WDR6: variants seen among roughly 807,000 people sequenced by gnomAD.
WDR6 encodes the protein WD repeat domain 6.
A neutral mutation model predicts 85.6 loss-of-function variants in WDR6; 58 were observed. The ratio of observed to expected loss-of-function variants is 0.68; its 90% CI spans 0.55 to 0.84. The LOEUF (loss-of-function observed/expected upper bound fraction) is 0.84. Ranked by LOEUF, WDR6 falls within the 40% of genes least tolerant of loss-of-function variation. WDR6 has a pLI of 0.00. For synonymous variants in WDR6, 569 were observed against 582.2 expected (o/e 0.98, Z 0.33); for missense variants, 1,310 against 1,476.4 (o/e 0.89, Z 1.85).
chr3:49,011,833 G>A lies in WDR6; in HGVS notation c.299G>A (p.Gly100Glu). 1.2e-6 allele frequency: 2 copies of A among 1,614,250 alleles called. No individual in the cohort carries two copies. The highest frequency in any genetic ancestry group is 1.7e-6 in the Non-Finnish European group (2 of 1,180,054). ...CTCCGAGTTGTGAAAATTAGCTGGG[G>A]ACAGGGCCACTTCTGGGAGCTTTGG... ...KGLRVVKISW[G>E]QGHFWELWRS... is the part of the protein sequence containing the mutation. Residue 100 changes from glycine (G) to glutamate (E), a missense_variant, in exon 2 of 6, where the codon GGA becomes GAA. By Grantham distance (98) the Gly-to-Glu change is moderately conservative. Transcript: ENST00000608424.
At position 49,014,809 on chromosome 3, in the gene WDR6, C is replaced by G. The variant is rs1324163014; in HGVS notation, c.2903-16C>G. ...CAGGCGGGGCCCTGACAACTACCCT[C>G]TTCCTCTTCCTTCAGGGCTTGGCAC... On this transcript the variant is annotated splice_polypyrimidine_tract_variant and intron_variant, in intron 5 of 5. Transcript: ENST00000608424. This position sits in a 1 kb window ranked among gnomAD's most constrained non-coding sequence, Gnocchi z 4.9. The G allele has an allele frequency of 2.5e-6, 4 of 1,601,022 alleles. No individual in the cohort carries two copies. The highest frequency in any genetic ancestry group is 1.7e-4 in the Middle Eastern group (1 of 5,994).
intron 1 of WDR6, among the ~76,000 whole-genome samples, chr3:49,008,624 A>C (rs2092997869): frequency 6.6e-6 from 1 of 152,092 alleles, no homozygotes. Context: ...TGGGGGAAGG[A>C]GGGAATTCTT....
In WDR6 at chr3:49,013,005, C is replaced by T. The variant is rs1265161194; in HGVS notation, c.1471C>T (p.Gln491Ter). 6.2e-7 allele frequency: 1 copy of T among 1,613,736 alleles called. No individual in the cohort carries two copies. Among genetic ancestry groups the T allele is most frequent in the Non-Finnish European group, 8.5e-7 (1 of 1,179,872 alleles). Residue 491 changes from glutamine (Q) to a stop codon, truncating the protein, a stop_gained, in exon 2 of 6, where the codon CAG becomes TAG. Coordinates refer to ENST00000608424, the MANE Select transcript of WDR6 (RefSeq NM_018031.6). LOFTEE classifies it high-confidence loss of function. The surrounding 1 kb of genome is among the most constrained non-coding windows in gnomAD (Gnocchi z 4.6). ...TCGGTACCTGCTGCCCCCAAGCAAG[C>T]AGAGATGGCACACATGCAGTGCCTT... ...RCRYLLPPSK[Q>*]RWHTCSAFLP... is the part of the protein sequence containing the mutation.
In WDR6 at chr3:49,014,027, T is replaced by C. The variant is rs2106701911; in HGVS notation, c.2493T>C (p.His831=). The C allele has an allele frequency of 6.2e-7, 1 of 1,612,378 alleles. No homozygotes were observed. The highest frequency in any genetic ancestry group is 8.5e-7 in the Non-Finnish European group (1 of 1,179,988). The change falls in exon 2 of 6, where the codon CAT becomes CAC. Residue 831 remains histidine, a synonymous_variant. Transcript: ENST00000608424. The surrounding 1 kb of genome is among the most constrained non-coding windows in gnomAD (Gnocchi z 4.9). ...DPSTPSRLAC[H]VMHLSSHRLD... ...GCACCCCAAGCCGCCTCGCCTGCCA[T>C]GTCATGCACCTTTCGTCCCACCGGC...
rs753565064 is a variant in WDR6 at position 49,014,014 on chromosome 3, G to A, written c.2480G>A (p.Arg827His). 12 of 1,611,580 alleles carry A rather than the reference G, an allele frequency of 7.4e-6. No individual in the cohort carries two copies. Among genetic ancestry groups the A allele is most frequent in the East Asian group, 4.5e-5 (2 of 44,898 alleles). The change falls in exon 2 of 6, where the codon CGC (arginine) becomes CAC (histidine). Residue 827 changes from arginine (R) to histidine (H), a missense_variant. Coordinates refer to ENST00000608424, the MANE Select transcript of WDR6 (RefSeq NM_018031.6). This position sits in a 1 kb window ranked among gnomAD's most constrained non-coding sequence, Gnocchi z 4.9. ...MVTPDPSTPS[R>H]LACHVMHLSS... is the part of the protein sequence containing the mutation. ...ACTCCGGACCCCAGCACCCCAAGCC[G>A]CCTCGCCTGCCATGTCATGCACCTT...
rs2093059663 is a variant in WDR6 at position 49,015,910 on chromosome 3, C to T, written c.*622C>T. On this transcript the variant is annotated 3_prime_UTR_variant, in exon 6 of 6. Transcript: ENST00000608424. ...ACTGAGTCACTGGCCCATCTCTTTG[C>T]TCTTGTGCCCCAGGCCAGAATAAAG... 2 of 1,614,198 alleles carry T rather than the reference C, an allele frequency of 1.2e-6. No homozygotes were observed. Among genetic ancestry groups the T allele is most frequent in the Non-Finnish European group, 1.7e-6 (2 of 1,180,040 alleles).
In WDR6 at chr3:49,012,173, C is replaced by T. The variant is rs758153972; in HGVS notation, c.639C>T (p.Phe213=). 3 of 1,614,232 alleles carry T rather than the reference C, an allele frequency of 1.9e-6. No homozygotes were observed. The highest frequency in any genetic ancestry group is 2.2e-5 in the South Asian group (2 of 91,084). ...RRISGHVGII[F]SMSYLESKGL... ...TCAGTGGGCATGTGGGCATCATCTT[C>T]AGCATGTCATACCTGGAAAGCAAGG... The change falls in exon 2 of 6, where the codon TTC becomes TTT. Residue 213 remains phenylalanine (F), a synonymous_variant. Transcript: ENST00000608424. The surrounding 1 kb of genome is among the most constrained non-coding windows in gnomAD (Gnocchi z 4.4).
In WDR6 at chr3:49,015,002, G is replaced by A; in HGVS notation, c.3080G>A (p.Gly1027Glu). ...LQLEEAVGEA[G>E]LVPQLRVLEE... ...CTAGAAGAGGCTGTGGGAGAGGCTG[G>A]GCTGGTACCCCAGCTGCGTGTGCTA... Residue 1027 changes from glycine to glutamate, a missense_variant, in exon 6 of 6, where the codon GGG (glycine) becomes GAG (glutamate). Gly to Glu is a moderately conservative substitution (Grantham distance 98, BLOSUM62 -2). Coordinates refer to ENST00000608424, the MANE Select transcript of WDR6 (RefSeq NM_018031.6). 1.2e-6 allele frequency: 2 copies of A among 1,614,096 alleles called. No homozygotes were observed. The highest frequency in any genetic ancestry group is 1.7e-6 in the Non-Finnish European group (2 of 1,180,010).
rs2093033168 is a variant in WDR6, at chr3:49,013,935, C to G, written c.2401C>G (p.His801Asp). The change falls in exon 2 of 6, where the codon CAT (histidine) becomes GAT (aspartate). Residue 801 changes from histidine (H) to aspartate (D), a missense_variant. Coordinates refer to ENST00000608424, the MANE Select transcript of WDR6 (RefSeq NM_018031.6). The surrounding 1 kb of genome is among the most constrained non-coding windows in gnomAD (Gnocchi z 4.6). ...PQDPQPGLTA[H>D]VVSAGGRAEM... ...GGATCCTCAGCCAGGCCTGACTGCC[C>G]ATGTGGTGTCTGCGGGGGGGCGGGC... The G allele has an allele frequency of 6.2e-7, 1 of 1,613,180 alleles. No homozygotes were observed. Among genetic ancestry groups the G allele is most frequent in the African/African-American group, 1.3e-5 (1 of 74,902 alleles).
At chr3:49,010,416 AAG>A (rs1282215496) in intron 1 of WDR6, among the ~76,000 whole-genome samples, 1 of 151,196 alleles carries the variant, frequency 6.6e-6, no homozygotes, top group Non-Finnish European at 1.5e-5. Context: ...AAAAAAAAAA[AAG>A]AGTGACTGAT....
intron 1 of WDR6, among the ~76,000 whole-genome samples, chr3:49,010,849 CAAAA>C (rs1362796360): frequency 2.6e-5 from 2 of 77,214 alleles, no homozygotes; most frequent in Non-Finnish European, 5.3e-5. Flanking sequence ...GACTCCGTCT[CAAAA>C]AAAAAAAAAA....
Position 49,011,692 on chromosome 3 carries a change from T to TAAAGCGAGTGCAGAA in WDR6, c.159_173dup (p.Gln57_Asn58insLysLysArgValGln), listed in dbSNP as rs1395993400. ...GACTTTGGTGGGCATCTGCGGATGATAAAGCGAGTGCAGAACCTGCTTGGC... is the reference window on the plus strand; with the variant it reads ...GACTTTGGTGGGCATCTGCGGATGATAAAGCGAGTGCAGAAAAAGCGAGTGCAGAACCTGCTTGGC... On this transcript the variant is annotated inframe_insertion, in exon 2 of 6. Coordinates refer to ENST00000608424, the MANE Select transcript of WDR6 (RefSeq NM_018031.6). 1 of 1,614,180 alleles carries TAAAGCGAGTGCAGAA rather than the reference T, an allele frequency of 6.2e-7. No individual in the cohort carries two copies. The highest frequency in any genetic ancestry group is 1.7e-5 in the Admixed American group (1 of 60,014).
Position 49,015,681 on chromosome 3 carries a change from C to T in WDR6, c.*393C>T. On this transcript the variant is annotated 3_prime_UTR_variant, in exon 6 of 6. Transcript: ENST00000608424. ...TCAGAAGCTGCAGGCGGACGAACATCTGACCAAAGAGGTGTGGTCGAGGCT... is the reference window on the plus strand; with the variant it reads ...TCAGAAGCTGCAGGCGGACGAACATTTGACCAAAGAGGTGTGGTCGAGGCT... 3 of 1,614,180 alleles carry T rather than the reference C, an allele frequency of 1.9e-6. No individual in the cohort carries two copies. The highest frequency in any genetic ancestry group is 2.5e-6 in the Non-Finnish European group (3 of 1,180,042).
At chr3:49,011,482 G>A in intron 1 of WDR6, 153 bp from the exon 2 acceptor site, 1 of 1,604,972 alleles carries the variant, frequency 6.2e-7, no homozygotes, top group African/African-American at 1.3e-5. Flanking sequence ...ACCCGGCCGA[G>A]ACCAAGGATT....
rs535931318 is a variant in WDR6, at chr3:49,013,872, G to A, written c.2338G>A (p.Val780Met). The change falls in exon 2 of 6, where the codon GTG becomes ATG. Residue 780 changes from valine (V) to methionine (M), a missense_variant. Physicochemically the swap from Val to Met is conservative, Grantham distance 21. Coordinates refer to ENST00000608424, the MANE Select transcript of WDR6 (RefSeq NM_018031.6). This position sits in a 1 kb window ranked among gnomAD's most constrained non-coding sequence, Gnocchi z 4.6. ...TAACCATATCTCCTCGGTACGTGCT[G>A]TGGCTGTGTGGGGCATTGGCACCCC... ...VCNHISSVRAVAVWGIGTPGG... is the reference protein window; with the variant it reads ...VCNHISSVRAMAVWGIGTPGG... 2 of 1,614,084 alleles carry A rather than the reference G, an allele frequency of 1.2e-6. No individual in the cohort carries two copies. Among genetic ancestry groups the A allele is most frequent in the South Asian group, 1.1e-5 (1 of 91,082 alleles).
chr3:49,012,448 C>T lies in WDR6; in HGVS notation c.914C>T (p.Ala305Val). Residue 305 changes from alanine to valine, a missense_variant, in exon 2 of 6, where the codon GCT (alanine) becomes GTT (valine). Coordinates refer to ENST00000608424, the MANE Select transcript of WDR6 (RefSeq NM_018031.6). This position sits in a 1 kb window ranked among gnomAD's most constrained non-coding sequence, Gnocchi z 4.4. The part of the protein sequence containing the change: ...GHQGRGIRAI[A>V]AHERQAWVIT... Reference sequence around the variant, plus strand: ...CAGGGACGTGGGATCCGGGCCATAGCTGCCCATGAGAGGCAGGCCTGGGTG... The same window carrying T: ...CAGGGACGTGGGATCCGGGCCATAGTTGCCCATGAGAGGCAGGCCTGGGTG... The T allele has an allele frequency of 1.2e-6, 2 of 1,614,172 alleles. No homozygotes were observed. The highest frequency in any genetic ancestry group is 1.7e-6 in the Non-Finnish European group (2 of 1,180,034).
rs1303032751 is a variant in WDR6 at position 49,014,141 on chromosome 3, G to A, written c.2582+25G>A. ...GGTAATATATGCTCCTGGGCAGGGT[G>A]TGGTATGGGTCATGCAGATGCTCCC... On this transcript the variant is annotated intron_variant, in intron 2 of 5. Coordinates refer to ENST00000608424, the MANE Select transcript of WDR6 (RefSeq NM_018031.6). This position sits in a 1 kb window ranked among gnomAD's most constrained non-coding sequence, Gnocchi z 4.9. 1 of 1,613,894 alleles carries A rather than the reference G, an allele frequency of 6.2e-7. No individual in the cohort carries two copies. Among genetic ancestry groups the A allele is most frequent in the South Asian group, 1.1e-5 (1 of 91,084 alleles).
Position 49,007,450 on chromosome 3 carries a change from T to C in WDR6, c.19T>C (p.Tyr7His). Reference protein sequence around the residue: MDALEDYVWPRATSELI... With the variant: MDALEDHVWPRATSELI... ...GATCGACATGGACGCTCTCGAGGAC[T>C]ACGTTTGGCCGCGGGCAACCTCGGA... The change falls in exon 1 of 6, where the codon TAC becomes CAC. Residue 7 changes from tyrosine (Y) to histidine (H), a missense_variant. Tyr to His is a moderately conservative substitution (Grantham distance 83). Coordinates refer to ENST00000608424, the MANE Select transcript of WDR6 (RefSeq NM_018031.6). The surrounding 1 kb of genome is among the most constrained non-coding windows in gnomAD (Gnocchi z 5.1). 2 of 1,612,380 alleles carry C rather than the reference T, an allele frequency of 1.2e-6. No individual in the cohort carries two copies. Among genetic ancestry groups the C allele is most frequent in the Non-Finnish European group, 1.7e-6 (2 of 1,179,206 alleles).
rs1330519522 is a variant in WDR6 at position 49,015,063 on chromosome 3, T to A, written c.3141T>A (p.His1047Gln). 6.2e-7 allele frequency: 1 copy of A among 1,614,014 alleles called. No homozygotes were observed. Among genetic ancestry groups the A allele is most frequent in the African/African-American group, 1.3e-5 (1 of 74,934 alleles). The change falls in exon 6 of 6, where the codon CAT becomes CAA. Residue 1047 changes from histidine (H) to glutamine (Q), a missense_variant. By Grantham distance (24) the His-to-Gln change is conservative. Coordinates refer to ENST00000608424, the MANE Select transcript of WDR6 (RefSeq NM_018031.6). The part of the protein sequence containing the change: ...EYSVPCAHAA[H>Q]VTGLKILSPS... ...CTGTCCCCTGTGCACATGCTGCCCA[T>A]GTGACAGGCCTCAAGATCCTAAGCC...
Sources: gnomAD v4.1 joint callset for allele counts (sites outside exome capture counted in the v4.1 genomes callset) on GRCh38, gnomAD v4.1.1 for gene constraint, Gnocchi (gnomAD v3.1) non-coding constraint, MANE v1.5 for transcripts, NCBI Gene and HGNC (gene_info 2026-07-23, HGNC 2026-07-21) for gene names.